TFEC: variants seen among roughly 807,000 people sequenced by gnomAD.
TFEC encodes the protein class E basic helix-loop-helix protein 34.
In TFEC, 31 loss-of-function variants were observed where a neutral mutation model predicts 41.6. That is an observed-to-expected ratio of 0.74 (90% CI 0.56 to 1.01). TFEC has a LOEUF of 1.01. Among genes scored for constraint, TFEC ranks in the 50% least tolerant of loss-of-function variants. The pLI is 0.00. For missense variants in TFEC, 402 were observed against 404.1 expected (o/e 0.99, Z 0.04); for synonymous variants, 143 against 140.6 (o/e 1.02, Z -0.12).
chr7:116,094,407 G>A (rs12706073), intron 3 of TFEC, among the ~76,000 whole-genome samples: 4,156 of 152,288 alleles, frequency 0.027, 79 homozygotes, highest in Non-Finnish European at 0.041. Flanking sequence ...TTGGCCAGGC[G>A]TGGTGGCTCA....
upstream of TFEC, among the ~76,000 whole-genome samples, chr7:116,032,298 G>T (rs906414953): frequency 4.6e-5 from 7 of 151,976 alleles, no homozygotes; most frequent in African/African-American, 1.7e-4. Flanking sequence ...TCTAAAACCA[G>T]AAATACCATT....
chr7:116,131,967 G>T (rs1798341708), intron 1 of TFEC, among the ~76,000 whole-genome samples: 1 of 152,104 alleles, frequency 6.6e-6, no homozygotes, highest in Non-Finnish European at 1.5e-5. Context: ...ATTTTCCTTT[G>T]AAGTTTTACT....
intron 1 of TFEC, among the ~76,000 whole-genome samples, chr7:115,997,522 C>T (rs189110826): frequency 1.3e-5 from 2 of 149,848 alleles, no homozygotes; most frequent in African/African-American, 4.9e-5. Context: ...AAAATGAATA[C>T]CTAACTCTTC....
At chr7:115,949,165 G>C (rs1263785476) in intron 6 of TFEC, among the ~76,000 whole-genome samples, 1 of 152,080 alleles carries the variant, frequency 6.6e-6, no homozygotes, top group Non-Finnish European at 1.5e-5. Flanking sequence ...CCTCTTCAAG[G>C]AGAACTACAA....
chr7:115,977,017 A>G (rs1274272972), intron 2 of TFEC, among the ~76,000 whole-genome samples: 1 of 152,112 alleles, frequency 6.6e-6, no homozygotes, highest in Non-Finnish European at 1.5e-5. Context: ...CATTTCTGTC[A>G]TCTACCTACA....
At chr7:116,023,709 A>G (rs112927195) in intron 1 of TFEC, among the ~76,000 whole-genome samples, 1 of 152,138 alleles carries the variant, frequency 6.6e-6, no homozygotes, top group African/African-American at 2.4e-5. Context: ...ACTCTTTTAA[A>G]TGTGCCCTAT....
chr7:116,101,083 T>C (rs941827373), intron 3 of TFEC, among the ~76,000 whole-genome samples: 3 of 152,018 alleles, frequency 2.0e-5, no homozygotes, highest in Admixed American at 6.6e-5. Context: ...CAAAGAAACA[T>C]TGCCTTTTTG....
intron 1 of TFEC, among the ~76,000 whole-genome samples, chr7:116,001,276 A>G (rs1794583521): frequency 1.3e-5 from 2 of 152,184 alleles, no homozygotes; most frequent in Admixed American, 6.5e-5. Flanking sequence ...ATATGACCCT[A>G]TCTCTTATCA....
intron 1 of TFEC, among the ~76,000 whole-genome samples, chr7:116,023,577 C>T (rs980915555): frequency 3.9e-5 from 6 of 152,080 alleles, no homozygotes; most frequent in Admixed American, 6.6e-5. Context: ...TTAGGCTTCC[C>T]GCTAAAACTC....
intron 1 of TFEC, among the ~76,000 whole-genome samples, chr7:115,988,284 T>C (rs1311449411): frequency 2.6e-5 from 4 of 152,202 alleles, no homozygotes; most frequent in Non-Finnish European, 1.5e-5. Flanking sequence ...CAGGATGAAT[T>C]TTTTAAAAAC....
intron 1 of TFEC, chr7:116,120,280 T>C (rs1223785751): frequency 6.6e-6 from 1 of 151,978 alleles, no homozygotes; most frequent in Non-Finnish European, 1.5e-5. Context: ...CCATGGAACC[T>C]TTGCAAAAGC....
At chr7:115,981,809 CG>C (rs1325001382) in intron 2 of TFEC, among the ~76,000 whole-genome samples, 1 of 151,444 alleles carries the variant, frequency 6.6e-6, no homozygotes, top group Non-Finnish European at 1.5e-5. Context: ...TCCAGACAAA[CG>C]GTCATGATCA....
chr7:115,968,713 C>T (rs184982483), intron 3 of TFEC, among the ~76,000 whole-genome samples: 8 of 151,922 alleles, frequency 5.3e-5, no homozygotes, highest in African/African-American at 1.9e-4. Flanking sequence ...TCATAGGATT[C>T]TATAGTTCTA....
chr7:116,140,090 A>G (rs1798511073), intron 1 of TFEC, among the ~76,000 whole-genome samples: 1 of 152,236 alleles, frequency 6.6e-6, no homozygotes, highest in Non-Finnish European at 1.5e-5. Flanking sequence ...GCAGGAGTGA[A>G]AAATTCTACC....
intron 2 of TFEC, among the ~76,000 whole-genome samples, chr7:115,980,702 A>T (rs537746089): frequency 1.3e-5 from 2 of 152,158 alleles, no homozygotes; most frequent in East Asian, 3.9e-4. Flanking sequence ...GTGAGCCAAG[A>T]TTGTGCCACT....
intron 1 of TFEC, among the ~76,000 whole-genome samples, chr7:116,153,287 G>A (rs145961111): frequency 7.9e-5 from 12 of 152,200 alleles, no homozygotes; most frequent in East Asian, 1.9e-4. Flanking sequence ...ACAGAGTCTC[G>A]TTCTGTTGCC....
At chr7:115,970,456 T>A (rs1793082773) in intron 3 of TFEC, among the ~76,000 whole-genome samples, 1 of 151,710 alleles carries the variant, frequency 6.6e-6, no homozygotes, top group Non-Finnish European at 1.5e-5. Flanking sequence ...GGGCAGTGAG[T>A]TTTTTTGTGT....
At chr7:115,960,941 A>T (rs1368711064) in intron 3 of TFEC, among the ~76,000 whole-genome samples, 1 of 151,682 alleles carries the variant, frequency 6.6e-6, no homozygotes, top group East Asian at 1.9e-4. Context: ...CACTATTCCT[A>T]AAAGGTATAA....
intron 1 of TFEC, among the ~76,000 whole-genome samples, chr7:115,998,743 TATATAATG>T (rs1280044828): frequency 6.6e-6 from 1 of 152,040 alleles, no homozygotes; most frequent in East Asian, 1.9e-4. Context: ...AGAAGGTCAT[TATATAATG>T]ATAACGTAGC....
Sources: allele counts gnomAD v4.1 joint callset (sites outside exome capture counted in the v4.1 genomes callset), GRCh38; gene constraint gnomAD v4.1.1; transcripts MANE v1.5; gene names NCBI Gene and HGNC (gene_info 2026-07-23, HGNC 2026-07-21).